Variants in UCMA observed in about 807,000 individuals in gnomAD.
The protein encoded by UCMA is upper zone of growth plate and cartilage matrix-associated protein.
UCMA carries 21 observed loss-of-function variants against 21.8 expected under a neutral mutation model. The observed-to-expected ratio is 0.97, with a 90% CI of 0.68 to 1.39. The LOEUF (loss-of-function observed/expected upper bound fraction) is 1.39, where lower values mean the gene tolerates loss of function less well. Ranked by LOEUF, UCMA falls within the 40% of genes most tolerant of loss-of-function variation. UCMA has a pLI of 0.00. For synonymous variants in UCMA, 76 were observed against 67.9 expected, an observed-to-expected ratio of 1.12 and a Z score of -0.58; for missense variants, 193 against 178.9, an observed-to-expected ratio of 1.08 and a Z score of -0.45.
intron 3 of UCMA, among the ~76,000 whole-genome samples, chr10:13,230,481 G>A (rs904530866): frequency 1.3e-5 from 2 of 152,164 alleles, no homozygotes; most frequent in Admixed American, 6.5e-5. Context: ...CCCAACACGA[G>A]CTTCAACTGG....
intron 4 of UCMA, among the ~76,000 whole-genome samples, chr10:13,223,856 A>C (rs1343364074): frequency 6.7e-6 from 1 of 148,614 alleles, no homozygotes; most frequent in Admixed American, 6.8e-5. Context: ...CTAGCCTAGA[A>C]TGGGCAAATT....
chr10:13,234,097 G>A, intron 1 of UCMA, 104 bp downstream of exon 1: 3 of 1,082,388 alleles, frequency 2.8e-6, no homozygotes, highest in Non-Finnish European at 2.6e-6. Context: ...TTAACAATAA[G>A]CATACTCCTT....
intron 4 of UCMA, among the ~76,000 whole-genome samples, chr10:13,226,523 C>T (rs775574001): frequency 6.6e-5 from 10 of 152,152 alleles, no homozygotes; most frequent in Non-Finnish European, 1.3e-4. Flanking sequence ...CAGGGCCTCG[C>T]TTAGTTGCCC....
intron 4 of UCMA, among the ~76,000 whole-genome samples, chr10:13,229,067 C>G (rs930225605): frequency 2.6e-5 from 4 of 152,080 alleles, no homozygotes; most frequent in African/African-American, 9.7e-5. Flanking sequence ...TCCTGAGTAG[C>G]TGGGGTTACA....
intron 3 of UCMA, among the ~76,000 whole-genome samples, chr10:13,232,954 A>C (rs1433861349): frequency 1.3e-5 from 2 of 151,920 alleles, no homozygotes; most frequent in Admixed American, 1.3e-4. Flanking sequence ...AAAAAAAAAA[A>C]ACCTCTGCTG....
chr10:13,223,817 A>T (rs907389148), intron 4 of UCMA, among the ~76,000 whole-genome samples: 2 of 151,874 alleles, frequency 1.3e-5, no homozygotes, highest in Admixed American at 1.3e-4. Flanking sequence ...CTTCCAAAGC[A>T]CTAGTATTAC....
At chr10:13,226,757 C>A (rs1342788201) in intron 4 of UCMA, among the ~76,000 whole-genome samples, 2 of 152,148 alleles carry the variant, frequency 1.3e-5, no homozygotes, top group African/African-American at 4.8e-5. Context: ...GAACTGCATT[C>A]CCCAAAGGCC....
In UCMA at chr10:13,227,780, ATT is replaced by A. The variant is rs1834843590; in HGVS notation, c.319+1829_319+1830del. ...CACACACACACACACACACACACAC[ATT>A]CTCTGGTATGCTGGTGTGATCCCCA... On this transcript the variant is annotated intron_variant, in intron 4 of 4. Transcript: ENST00000378681. Among the ~76,000 whole-genome samples, 5 of 143,988 alleles carry A rather than the reference ATT, an allele frequency of 3.5e-5. No homozygotes were observed. The South Asian group carries it at 8.9e-4, about 26-fold the overall frequency. The allele number at this position is 143,988 out of a possible 152,430, so 94.5% of individuals were successfully genotyped here.
rs148351840 is a variant in UCMA, at chr10:13,230,565, C to T, written c.221-856G>A. On this transcript the variant is annotated intron_variant, in intron 3 of 4. Transcript: ENST00000378681. ...TCCCTCAGCACGCCTCACGATCTCA[C>T]AGTGGGATTCCCCTCACACCAAATG... 2.4e-3 allele frequency among the ~76,000 whole-genome samples: 363 copies of T among 152,288 alleles called. 2 individuals are homozygous for T. Among genetic ancestry groups the T allele is most frequent in the African/African-American group, 8.2e-3 (341 of 41,560 alleles).
chr10:13,226,907 G>C (rs1834830131), intron 4 of UCMA, among the ~76,000 whole-genome samples: 1 of 152,106 alleles, frequency 6.6e-6, no homozygotes, highest in Non-Finnish European at 1.5e-5. Flanking sequence ...CTACATGCTA[G>C]AGCTTTGGGC....
rs1834937915 is a variant in UCMA, at chr10:13,234,086, G to A, written c.58+115C>T. On this transcript the variant is annotated intron_variant, in intron 1 of 4. Transcript: ENST00000378681. Reference sequence around the variant, plus strand: ...GCACACGACACACACATACACACATGTTAACAATAAGCATACTCCTTTCTA... The same window carrying A: ...GCACACGACACACACATACACACATATTAACAATAAGCATACTCCTTTCTA... 23 of 953,328 alleles carry A rather than the reference G, an allele frequency of 2.4e-5. No homozygotes were observed. In the South Asian group the frequency reaches 3.9e-4, roughly 16 times the overall value. The allele number at this position is 953,328 out of a possible 1,614,324, so 59.1% of individuals were successfully genotyped here. A position where few individuals can be genotyped will look rare whatever the true frequency, so the allele number is the denominator to read the frequency against.
chr10:13,228,104 G>T (rs1318290165), intron 4 of UCMA, among the ~76,000 whole-genome samples: 1 of 151,782 alleles, frequency 6.6e-6, no homozygotes, highest in African/African-American at 2.4e-5. Context: ...CTGTTGCCCA[G>T]GCTGGAGTGC....
At position 13,222,170 on chromosome 10, in the gene UCMA, T is replaced by C. The variant is rs139212237; in HGVS notation, c.350A>G (p.Glu117Gly). ...GTCATAGTGCCACTGGCGCCACTGC[T>C]CCACAGCCTCCCGGCTCCTCTCTTC... is the stretch of plus-strand genomic sequence containing the variant. Reference protein sequence around the residue: ...EQEERSREAVEQWRQWHYDGL... With the variant: ...EQEERSREAVGQWRQWHYDGL... The change falls in exon 5 of 5, where the codon GAG becomes GGG. Residue 117 changes from glutamate (E) to glycine (G), a missense_variant. Transcript: ENST00000378681. 235 of 1,614,036 alleles carry C rather than the reference T, an allele frequency of 1.5e-4. No homozygotes were observed. Among genetic ancestry groups the C allele is most frequent in the Non-Finnish European group, 1.9e-4 (227 of 1,180,008 alleles).
At chr10:13,233,858 G>A (rs989837212) in intron 1 of UCMA, 58 bp from the exon 2 acceptor site, 11 of 1,599,834 alleles carry the variant, frequency 6.9e-6, no homozygotes, top group Non-Finnish European at 9.4e-6. Context: ...CAGACCCTGA[G>A]CTGAGTCCCC....
intron 1 of UCMA, 44 bp downstream of exon 1, chr10:13,234,157 T>C (rs762672696): frequency 8.3e-6 from 13 of 1,572,676 alleles, no homozygotes; most frequent in Non-Finnish European, 1.1e-5. Flanking sequence ...AAGTCTCCCT[T>C]ACCATGTAAC....
At chr10:13,223,150 T>A (rs1476785475) in intron 4 of UCMA, among the ~76,000 whole-genome samples, 5 of 148,690 alleles carry the variant, frequency 3.4e-5, no homozygotes, top group Non-Finnish European at 7.4e-5. Flanking sequence ...CACTTGAACC[T>A]GGGAGGTGGA....
At chr10:13,227,515 C>T (rs1239957487) in intron 4 of UCMA, among the ~76,000 whole-genome samples, 4 of 152,026 alleles carry the variant, frequency 2.6e-5, no homozygotes, top group African/African-American at 7.2e-5. Context: ...GTCAGGAGTT[C>T]GTGACCAGCC....
chr10:13,230,762 G>A (rs1225932442), intron 3 of UCMA, among the ~76,000 whole-genome samples: 1 of 152,138 alleles, frequency 6.6e-6, no homozygotes, highest in Non-Finnish European at 1.5e-5. Flanking sequence ...TGATAATATT[G>A]GAAACCATCT....
At chr10:13,230,449 T>A (rs1297909956) in intron 3 of UCMA, among the ~76,000 whole-genome samples, 1 of 152,108 alleles carries the variant, frequency 6.6e-6, no homozygotes, top group Non-Finnish European at 1.5e-5. Context: ...GATGTAAAGC[T>A]CTCTACTTTC....
Sources: gnomAD v4.1 joint callset for allele counts (sites outside exome capture counted in the v4.1 genomes callset) on GRCh38, gnomAD v4.1.1 for gene constraint, MANE v1.5 for transcripts, NCBI Gene and HGNC (gene_info 2026-07-23, HGNC 2026-07-21) for gene names.